GAS2: variants seen among roughly 807,000 people sequenced by gnomAD.
GAS2 encodes the protein growth arrest specific 2.
GAS2 carries 20 observed loss-of-function variants against 37.5 expected under a neutral mutation model. The ratio of observed to expected loss-of-function variants is 0.53; its 90% CI spans 0.37 to 0.77. The LOEUF (loss-of-function observed/expected upper bound fraction) is 0.77. GAS2 is among the 30% of genes least tolerant of loss of function. The probability of loss-of-function intolerance (pLI) is 0.00; values close to 1 mark genes in which losing one functional copy is unlikely to be tolerated. For synonymous variants in GAS2, 144 were observed against 132.2 expected (o/e 1.09, Z -0.61); for missense variants, 336 against 373.4 (o/e 0.90, Z 0.82).
At chr11:22,676,826 C>T (rs1361365094) in intron 2 of GAS2, among the ~76,000 whole-genome samples, 1 of 151,896 alleles carries the variant, frequency 6.6e-6, no homozygotes, top group East Asian at 1.9e-4. Context: ...CTTGGTTTTA[C>T]CACTTATTAT....
In GAS2 at chr11:22,674,892, A is replaced by T. The variant is rs774687880; in HGVS notation, c.23A>T (p.Lys8Met). The change falls in exon 2 of 8, where the codon AAG becomes ATG. Residue 8 changes from lysine to methionine, a missense_variant. Coordinates refer to ENST00000454584, the MANE Select transcript of GAS2 (RefSeq NM_001143830.3). ...ATAATGTGCACTGCTCTGAGCCCAA[A>T]GGTACGCAGTGGACCTGGCCTCTCT... MCTALSP[K>M]VRSGPGLSDM... The T allele has an allele frequency of 6.2e-7, 1 of 1,611,842 alleles. No individual in the cohort carries two copies. The highest frequency in any genetic ancestry group is 1.1e-5 in the South Asian group (1 of 90,528).
chr11:22,674,143 T>G (rs1849315822), intron 1 of GAS2, among the ~76,000 whole-genome samples: 1 of 152,144 alleles, frequency 6.6e-6, no homozygotes, highest in Non-Finnish European at 1.5e-5. Flanking sequence ...ATATGAAGAC[T>G]CAGGTTCAAG....
chr11:22,733,448 A>G (rs1318281117), intron 4 of GAS2, among the ~76,000 whole-genome samples: 1 of 151,786 alleles, frequency 6.6e-6, no homozygotes, highest in African/African-American at 2.4e-5. Flanking sequence ...CTCTAGTTAT[A>G]TAGAAACCAA....
intron 7 of GAS2, among the ~76,000 whole-genome samples, chr11:22,763,399 C>T (rs1205944813): frequency 6.6e-6 from 1 of 152,016 alleles, no homozygotes; most frequent in African/African-American, 2.4e-5. Flanking sequence ...CTTTTTTGCT[C>T]TTATGGCACA....
In GAS2 at chr11:22,779,139, G is replaced by A. The variant is rs531482228; in HGVS notation, c.723+23186G>A. Among the ~76,000 whole-genome samples the A allele has an allele frequency of 2.2e-4, 34 of 151,902 alleles. No homozygotes were observed. The East Asian group carries it at 5.6e-3, about 25-fold the overall frequency. On this transcript the variant is annotated intron_variant, in intron 7 of 7. Coordinates refer to ENST00000454584, the MANE Select transcript of GAS2 (RefSeq NM_001143830.3). ...GGAATACTTTGATTCTGTTGTGTGG[G>A]TTGAAATTCTATCTCTCCACCCACA...
At chr11:22,697,593 A>ATT (rs1302530300) in intron 3 of GAS2, among the ~76,000 whole-genome samples, 1 of 152,048 alleles carries the variant, frequency 6.6e-6, no homozygotes, top group Non-Finnish European at 1.5e-5. Context: ...ATGTTCTTCC[A>ATT]TTTGTTTGTA....
chr11:22,776,950 T>A (rs1855290942), intron 7 of GAS2, among the ~76,000 whole-genome samples: 2 of 152,166 alleles, frequency 1.3e-5, no homozygotes, highest in African/African-American at 2.4e-5. Context: ...AGCTGGCATG[T>A]CATAACTATT....
intron 7 of GAS2, among the ~76,000 whole-genome samples, chr11:22,771,349 T>G (rs17306230): frequency 0.16 from 23,859 of 152,130 alleles, 1,906 homozygotes; most frequent in Non-Finnish European, 0.17. Context: ...TTTGGAACAA[T>G]ACATTTATAG....
At chr11:22,792,820 GA>G (rs1856236526) in intron 7 of GAS2, among the ~76,000 whole-genome samples, 2 of 152,172 alleles carry the variant, frequency 1.3e-5, no homozygotes, top group Non-Finnish European at 2.9e-5. Context: ...TAAGAAGACT[GA>G]AAAATTTGGA....
At chr11:22,628,055 C>T (rs1181481455) in intron 1 of GAS2, among the ~76,000 whole-genome samples, 1 of 152,144 alleles carries the variant, frequency 6.6e-6, no homozygotes, top group South Asian at 2.1e-4. Flanking sequence ...ATTTTAAATT[C>T]TTCCTTGAGC....
At chr11:22,749,355 C>T in intron 6 of GAS2, 94 bp downstream of exon 6, 3 of 1,131,662 alleles carry the variant, frequency 2.7e-6, no homozygotes. Context: ...TAATCTTTAC[C>T]TATATCAATT....
intron 3 of GAS2, among the ~76,000 whole-genome samples, chr11:22,707,347 A>G (rs890859496): frequency 2.6e-5 from 4 of 152,198 alleles, no homozygotes; most frequent in African/African-American, 9.6e-5. Context: ...TTTCTGCTCA[A>G]GGAAACATAA....
At chr11:22,748,896 G>A (rs1853565170) in intron 5 of GAS2, among the ~76,000 whole-genome samples, 1 of 152,020 alleles carries the variant, frequency 6.6e-6, no homozygotes, top group Non-Finnish European at 1.5e-5. Flanking sequence ...TATACTATGT[G>A]TGTCCATATA....
intron 2 of GAS2, among the ~76,000 whole-genome samples, chr11:22,675,285 T>A (rs897454546): frequency 6.6e-6 from 1 of 152,222 alleles, no homozygotes; most frequent in Non-Finnish European, 1.5e-5. Flanking sequence ...TATGCTGGTC[T>A]GATTTATTTT....
At chr11:22,687,768 A>T (rs993219376) in intron 3 of GAS2, among the ~76,000 whole-genome samples, 58 of 152,220 alleles carry the variant, frequency 3.8e-4, no homozygotes, top group African/African-American at 1.4e-3. Flanking sequence ...TGCCGATAAG[A>T]GGACAACTTG....
intron 1 of GAS2, among the ~76,000 whole-genome samples, chr11:22,669,777 G>A (rs1849129630): frequency 6.6e-6 from 1 of 152,118 alleles, no homozygotes; most frequent in South Asian, 2.1e-4. Flanking sequence ...TTTGCTTTAT[G>A]TTTGGTGCTT....
chr11:22,648,518 A>G (rs1347199052), intron 1 of GAS2, among the ~76,000 whole-genome samples: 1 of 152,174 alleles, frequency 6.6e-6, no homozygotes, highest in African/African-American at 2.4e-5. Flanking sequence ...CTTGCGCAGT[A>G]TGGCCATTTT....
chr11:22,690,045 T>C (rs1460556955), intron 3 of GAS2, among the ~76,000 whole-genome samples: 1 of 152,220 alleles, frequency 6.6e-6, no homozygotes, highest in Non-Finnish European at 1.5e-5. Flanking sequence ...GTAATTTTTT[T>C]CTAGCAGCTT....
chr11:22,664,142 C>T (rs148297994), upstream of GAS2, among the ~76,000 whole-genome samples: 2 of 152,200 alleles, frequency 1.3e-5, no homozygotes, highest in Admixed American at 6.5e-5. Context: ...TTGGTCACTT[C>T]TGGAAATTTA....
Sources: gnomAD v4.1 joint callset for allele counts (sites outside exome capture counted in the v4.1 genomes callset) on GRCh38, gnomAD v4.1.1 for gene constraint, MANE v1.5 for transcripts, NCBI Gene and HGNC (gene_info 2026-07-23, HGNC 2026-07-21) for gene names.